Variants in CIITA observed in about 807,000 individuals in gnomAD.
CIITA encodes MHC class II transactivator.
In CIITA, 72 loss-of-function variants were observed where a neutral mutation model predicts 115.1. The ratio of observed to expected loss-of-function variants is 0.63; its 90% confidence interval spans 0.52 to 0.76. The LOEUF is 0.76. CIITA is among the 30% of genes least tolerant of loss of function. The pLI, the probability that CIITA is intolerant of heterozygous loss-of-function variation, is 0.00. For synonymous variants in CIITA, 763 were observed against 635.6 expected (o/e 1.20, Z -3.02); for missense variants, 1,617 against 1,463.8 (o/e 1.10, Z -1.71).
upstream of CIITA, chr16:10,877,201 T>C: frequency 5.1e-6 from 4 of 777,080 alleles, no homozygotes; most frequent in Non-Finnish European, 9.0e-6. Flanking sequence ...GGTGACTGGT[T>C]AGTGATGAGG....
intron 1 of CIITA, among the ~76,000 whole-genome samples, chr16:10,891,082 T>G (rs1283408539): frequency 6.6e-6 from 1 of 152,092 alleles, no homozygotes; most frequent in African/African-American, 2.4e-5. Context: ...TCATCCAGAG[T>G]TTGAAGCAGA....
In CIITA at chr16:10,907,176, G is replaced by A. The variant is rs199476070; in HGVS notation, c.1684G>A (p.Ala562Thr). Reference protein sequence around the residue: ...RLVQSLSKADALFELSGFSME... With the variant: ...RLVQSLSKADTLFELSGFSME... ...GGTCCAGAGCCTGAGCAAGGCCGAC[G>A]CCCTATTTGAGCTGTCCGGCTTCTC... Residue 562 changes from alanine (A) to threonine (T), a missense_variant, in exon 11 of 20, where the codon GCC becomes ACC. Physicochemically the swap from Ala to Thr is moderately conservative, Grantham distance 58. Transcript: ENST00000324288. The surrounding 1 kb of genome is among the most constrained non-coding windows in gnomAD (Gnocchi z 5.0). 2.4e-5 allele frequency: 39 copies of A among 1,613,494 alleles called. 1 individual carries two copies. The African/African-American group carries it at 2.8e-4, about 12-fold the overall frequency.
At chr16:10,938,255 C>T (rs2041056525), downstream of CIITA, 1 of 152,086 alleles carries the variant, frequency 6.6e-6, no homozygotes, top group African/African-American at 2.4e-5. This position sits in a 1 kb window ranked among gnomAD's most constrained non-coding sequence, Gnocchi z 4.9. Flanking sequence ...GTCACAGCTA[C>T]CCTGGGATGT....
chr16:10,898,506 A>T (rs1375178855), intron 3 of CIITA, among the ~76,000 whole-genome samples, 164 bp from the exon 4 acceptor site: 1 of 150,948 alleles, frequency 6.6e-6, no homozygotes, highest in Non-Finnish European at 1.5e-5. Context: ...GGGCCCCTGG[A>T]GTGTCAGTGT....
intron 1 of CIITA, among the ~76,000 whole-genome samples, chr16:10,871,258 T>C (rs7194862): frequency 0.34 from 51,225 of 152,102 alleles, 9,837 homozygotes; most frequent in East Asian, 0.84. Flanking sequence ...TGACTCAGCC[T>C]TGAGGCTGGC....
rs746230857 is a variant in CIITA, at chr16:10,901,866, G to T, written c.482-172G>T. Reference sequence around the variant, plus strand: ...AGAGCCAAGTCACAAGGAGAGGACTGGGGGACTGCCTGGCACAGAGCAGTT... The same window carrying T: ...AGAGCCAAGTCACAAGGAGAGGACTTGGGGACTGCCTGGCACAGAGCAGTT... On this transcript the variant is annotated intron_variant, in intron 6 of 19. Transcript: ENST00000324288. The surrounding 1 kb of genome is among the most constrained non-coding windows in gnomAD (Gnocchi z 6.8). 1.1e-6 allele frequency: 1 copy of T among 947,684 alleles called. No individual in the cohort carries two copies. The highest frequency in any genetic ancestry group is 1.7e-6 in the Non-Finnish European group (1 of 605,434). 58.7% of individuals were successfully genotyped at this position (947,684 alleles called of 1,614,324 possible). A position where few individuals can be genotyped will look rare whatever the true frequency, so the allele number is the denominator to read the frequency against.
At chr16:10,898,846 C>T (rs559659578) in intron 4 of CIITA, 79 bp from the exon 5 acceptor site, 7 of 1,596,060 alleles carry the variant, frequency 4.4e-6, no homozygotes, top group Non-Finnish European at 6.0e-6. Flanking sequence ...AGACCCCTCT[C>T]CCCAAGGTGG....
chr16:10,907,072 G>A lies in CIITA; in HGVS notation c.1580G>A (p.Gly527Glu), dbSNP rs762177047. The A allele has an allele frequency of 4.4e-6, 7 of 1,607,562 alleles. No individual in the cohort carries two copies. The highest frequency in any genetic ancestry group is 5.9e-6 in the Non-Finnish European group (7 of 1,179,888). ...PAPAEPCSLR[G>E]LLAGLFQKKL... ...CCGGCGGAGCCCTGCTCCCTCCGGG[G>A]GCTGCTGGCCGGCCTTTTCCAGAAG... is the stretch of plus-strand genomic sequence containing the variant. Residue 527 changes from glycine (G) to glutamate (E), a missense_variant, in exon 11 of 20, where the codon GGG becomes GAG. Coordinates refer to ENST00000324288, the MANE Select transcript of CIITA (RefSeq NM_000246.4). This position sits in a 1 kb window ranked among gnomAD's most constrained non-coding sequence, Gnocchi z 5.0.
chr16:10,896,287 C>T (rs1228416023), intron 3 of CIITA, among the ~76,000 whole-genome samples: 3 of 152,196 alleles, frequency 2.0e-5, no homozygotes, highest in African/African-American at 4.8e-5. Flanking sequence ...AAACGACCTA[C>T]CCAAGTTTGC....
At chr16:10,880,491 G>A (rs1326029353) in intron 1 of CIITA, among the ~76,000 whole-genome samples, 3 of 152,144 alleles carry the variant, frequency 2.0e-5, no homozygotes, top group Admixed American at 6.5e-5. Flanking sequence ...GTTTTGTTTT[G>A]CTTAACGCCA....
chr16:10,910,523 T>A (rs778609492), intron 13 of CIITA, among the ~76,000 whole-genome samples: 4 of 152,236 alleles, frequency 2.6e-5, no homozygotes, highest in Non-Finnish European at 5.9e-5. Flanking sequence ...AGCACTTGAA[T>A]GACTGAGGCT....
chr16:10,916,869 C>A (rs867892926), intron 15 of CIITA: 2 of 379,310 alleles, frequency 5.3e-6, no homozygotes, highest in African/African-American at 2.0e-5. Context: ...TTAAGGAGGA[C>A]CTACTATGTG....
rs1476845956 is a variant in CIITA, at chr16:10,927,093, CCTT to C, written c.*3242_*3244del. 3 of 152,218 alleles carry C rather than the reference CCTT, an allele frequency of 2.0e-5. No individual in the cohort carries two copies. The highest frequency in any genetic ancestry group is 7.2e-5 in the African/African-American group (3 of 41,450). 9.4% of individuals were successfully genotyped at this position (152,218 alleles called of 1,614,324 possible). A position where few individuals can be genotyped will look rare whatever the true frequency, so the allele number is the denominator to read the frequency against. ...TTGTAAAATGGGCATAACCACAGCACCTTCTTTATAGGATTATGTGAAGGTGTG... is the reference window on the plus strand; with the variant it reads ...TTGTAAAATGGGCATAACCACAGCACCTTTATAGGATTATGTGAAGGTGTG... On this transcript the variant is annotated 3_prime_UTR_variant, in exon 20 of 20. Coordinates refer to ENST00000324288, the MANE Select transcript of CIITA (RefSeq NM_000246.4).
At chr16:10,867,077 T>C (rs1305786192) in intron 1 of CIITA, among the ~76,000 whole-genome samples, 2 of 152,156 alleles carry the variant, frequency 1.3e-5, no homozygotes, top group Non-Finnish European at 1.5e-5. Flanking sequence ...ACCCTGTCTC[T>C]ACTAAAAAAT....
intron 15 of CIITA, 74 bp from the exon 16 acceptor site, chr16:10,918,366 C>G (rs2040075687): frequency 6.9e-6 from 9 of 1,304,860 alleles, no homozygotes; most frequent in Non-Finnish European, 1.0e-5. Flanking sequence ...GCCTATGACC[C>G]AGAACTCTCC....
At chr16:10,873,777 G>A (rs1248478735), upstream of CIITA, among the ~76,000 whole-genome samples, 1 of 152,158 alleles carries the variant, frequency 6.6e-6, no homozygotes, top group Non-Finnish European at 1.5e-5. Flanking sequence ...GGGTGCTAGT[G>A]GTTGCTGGCA....
At chr16:10,896,215 A>G (rs1286750626) in intron 3 of CIITA, among the ~76,000 whole-genome samples, 1 of 152,224 alleles carries the variant, frequency 6.6e-6, no homozygotes, top group Non-Finnish European at 1.5e-5. Flanking sequence ...ACAACAACAA[A>G]GGAAATACAT....
Position 10,918,466 on chromosome 16 carries a change from T to C in CIITA, c.3089T>C (p.Leu1030Pro), listed in dbSNP as rs934444103. ...CTGTCCCAGAACAACATCACTGACC[T>C]GGGTGCCTACAAACTCGCCGAGGCC... is the stretch of plus-strand genomic sequence containing the variant. ...LNLSQNNITDLGAYKLAEALP... is the reference protein window; with the variant it reads ...LNLSQNNITDPGAYKLAEALP... The change falls in exon 16 of 20, where the codon CTG becomes CCG. Residue 1030 changes from leucine to proline, a missense_variant. Coordinates refer to ENST00000324288, the MANE Select transcript of CIITA (RefSeq NM_000246.4). 1 of 1,614,090 alleles carries C rather than the reference T, an allele frequency of 6.2e-7. No homozygotes were observed. Among genetic ancestry groups the C allele is most frequent in the South Asian group, 1.1e-5 (1 of 91,082 alleles).
In CIITA at chr16:10,907,785, C is replaced by G; in HGVS notation, c.2293C>G (p.Pro765Ala). The G allele has an allele frequency of 6.2e-7, 1 of 1,614,170 alleles. No individual in the cohort carries two copies. Among genetic ancestry groups the G allele is most frequent in the Non-Finnish European group, 8.5e-7 (1 of 1,180,010 alleles). Reference sequence around the variant, plus strand: ...CTTTCTGGCTGGGCTGATCTTCCAGCCTCCCGCCCGCTGCCTGGGAGCCCT... The same window carrying G: ...CTTTCTGGCTGGGCTGATCTTCCAGGCTCCCGCCCGCTGCCTGGGAGCCCT... ...PRFLAGLIFQ[P>A]PARCLGALLG... The change falls in exon 11 of 20, where the codon CCT becomes GCT. Residue 765 changes from proline (P) to alanine (A), a missense_variant. Pro to Ala is a conservative substitution (Grantham distance 27). Coordinates refer to ENST00000324288, the MANE Select transcript of CIITA (RefSeq NM_000246.4). This position sits in a 1 kb window ranked among gnomAD's most constrained non-coding sequence, Gnocchi z 5.0.
Sources: allele counts gnomAD v4.1 joint callset (sites outside exome capture counted in the v4.1 genomes callset), GRCh38; gene constraint gnomAD v4.1.1; non-coding constraint Gnocchi (gnomAD v3.1); transcripts MANE v1.5; gene names NCBI Gene and HGNC (gene_info 2026-07-23, HGNC 2026-07-21).